Variants in POT1 observed in about 807,000 individuals in gnomAD.
The protein encoded by POT1 is protection of telomeres protein 1.
Under a neutral mutation model 78.5 loss-of-function variants are expected in POT1, and 47 were observed. The ratio of observed to expected loss-of-function variants is 0.60; its 90% CI spans 0.47 to 0.76. POT1 has a LOEUF of 0.76. Ranked by LOEUF, POT1 falls within the 30% of genes least tolerant of loss-of-function variation. The probability of loss-of-function intolerance (pLI) is 0.00; values close to 1 mark genes in which losing one functional copy is unlikely to be tolerated. For synonymous variants in POT1, 259 were observed against 260.7 expected (o/e 0.99, Z 0.06); for missense variants, 646 against 749.9 (o/e 0.86, Z 1.62).
intron 13 of POT1, among the ~76,000 whole-genome samples, chr7:124,841,794 C>T (rs1006966280): frequency 1.3e-5 from 2 of 151,688 alleles, no homozygotes; most frequent in African/African-American, 2.4e-5. Flanking sequence ...AAAAAATGAT[C>T]GCGGAGAGTG....
chr7:124,853,565 A>T (rs1380400149), intron 9 of POT1: 1 of 152,454 alleles, frequency 6.6e-6, no homozygotes, highest in African/African-American at 2.4e-5. Context: ...ATTAAATATG[A>T]TCCTGAAGAT....
chr7:124,909,896 AT>A (rs1375731352), intron 3 of POT1, among the ~76,000 whole-genome samples: 1 of 151,948 alleles, frequency 6.6e-6, no homozygotes, highest in Non-Finnish European at 1.5e-5. Flanking sequence ...TATATTTAAA[AT>A]ATAAACAAAT....
intron 9 of POT1, among the ~76,000 whole-genome samples, chr7:124,858,417 A>C (rs956455628): frequency 1.3e-5 from 2 of 152,128 alleles, no homozygotes; most frequent in Admixed American, 1.3e-4. Flanking sequence ...CCATATCTAA[A>C]CTGTGCACCT....
chr7:124,919,912 G>C (rs1386099972), intron 2 of POT1, among the ~76,000 whole-genome samples: 1 of 148,094 alleles, frequency 6.8e-6, no homozygotes, highest in Non-Finnish European at 1.5e-5. Context: ...ATGGGACTTG[G>C]GGAGGAAAGA....
chr7:124,897,341 T>C (rs913778481), intron 4 of POT1, 129 bp from the exon 5 acceptor site: 40 of 367,054 alleles, frequency 1.1e-4, no homozygotes, highest in Middle Eastern at 4.1e-4. Flanking sequence ...CATAAAGTTA[T>C]GGCTTACAAA....
intron 2 of POT1, among the ~76,000 whole-genome samples, chr7:124,928,540 C>T (rs1797331026): frequency 6.6e-6 from 1 of 152,212 alleles, no homozygotes; most frequent in Admixed American, 6.5e-5. Context: ...GGTGATTGAT[C>T]TGTCAGACCC....
At chr7:124,837,958 C>T (rs1381667392) in intron 14 of POT1, among the ~76,000 whole-genome samples, 1 of 151,988 alleles carries the variant, frequency 6.6e-6, no homozygotes, top group African/African-American at 2.4e-5. Context: ...ATTGTATGAT[C>T]ATATTAATAG....
chr7:124,928,428 TA>T (rs879880651), intron 2 of POT1, among the ~76,000 whole-genome samples: 1 of 152,208 alleles, frequency 6.6e-6, no homozygotes, highest in Non-Finnish European at 1.5e-5. Context: ...TGTTATCCCG[TA>T]AGTTCCAGCT....
At chr7:124,878,205 G>A (rs1270021510) in intron 6 of POT1, among the ~76,000 whole-genome samples, 1 of 151,972 alleles carries the variant, frequency 6.6e-6, no homozygotes, top group Non-Finnish European at 1.5e-5. Flanking sequence ...GGTGGTGCGT[G>A]CCTGTAATCC....
intron 6 of POT1, among the ~76,000 whole-genome samples, chr7:124,891,041 A>G (rs1796358233): frequency 6.6e-6 from 1 of 151,692 alleles, no homozygotes; most frequent in African/African-American, 2.4e-5. Context: ...CATTTGGTCT[A>G]CAGTGTTGTT....
chr7:124,888,813 A>G (rs1490079978), intron 6 of POT1, among the ~76,000 whole-genome samples: 1 of 151,968 alleles, frequency 6.6e-6, no homozygotes, highest in East Asian at 1.9e-4. Context: ...GTTTTGGGGT[A>G]GCACAAATCA....
chr7:124,918,975 T>A (rs1031642816), intron 2 of POT1, among the ~76,000 whole-genome samples: 1 of 152,070 alleles, frequency 6.6e-6, no homozygotes, highest in Non-Finnish European at 1.5e-5. Context: ...ATAATATAAT[T>A]ATGTGGTGCT....
chr7:124,879,575 A>G (rs1796070571), intron 6 of POT1, among the ~76,000 whole-genome samples: 1 of 152,160 alleles, frequency 6.6e-6, no homozygotes, highest in African/African-American at 2.4e-5. Context: ...ATGGCAAACG[A>G]CATGCTGACT....
rs1017615171 is a variant in POT1 at position 124,846,467 on chromosome 7, G to A, written c.1006+475C>T. 1.8e-4 allele frequency among the ~76,000 whole-genome samples: 27 copies of A among 152,016 alleles called. 1 individual carries two copies. Among genetic ancestry groups the A allele is most frequent in the African/African-American group, 4.6e-4 (19 of 41,494 alleles). On this transcript the variant is annotated intron_variant, in intron 12 of 18. Transcript: ENST00000357628. ...TTTAATCTTAGCTGATGTAGCAGAA[G>A]GAGGGTACTTGATAGACACACTATC...
At chr7:124,835,251 C>CAAAACA (rs745695095) in intron 15 of POT1, 28 bp downstream of exon 15, 1 of 1,604,892 alleles carries the variant, frequency 6.2e-7, no homozygotes, top group Non-Finnish European at 8.5e-7. Context: ...ATAAACAAAA[C>CAAAACA]AAAACAAAAC....
chr7:124,883,968 G>A (rs889483652), intron 6 of POT1, among the ~76,000 whole-genome samples: 1 of 151,684 alleles, frequency 6.6e-6, no homozygotes, highest in Admixed American at 6.6e-5. Flanking sequence ...ATATCAATAT[G>A]TGTATCAATA....
At chr7:124,869,735 C>A (rs989751336) in intron 7 of POT1, among the ~76,000 whole-genome samples, 1 of 152,078 alleles carries the variant, frequency 6.6e-6, no homozygotes, top group Admixed American at 6.6e-5. Flanking sequence ...AGCATTACCA[C>A]CACGCCCGGC....
intron 5 of POT1, among the ~76,000 whole-genome samples, chr7:124,896,480 CTG>C (rs1443173914): frequency 6.6e-6 from 1 of 151,736 alleles, no homozygotes; most frequent in African/African-American, 2.4e-5. Context: ...AATTTAGTAA[CTG>C]TGTCCTACAG....
rs140381813 is a variant in POT1 at position 124,916,836 on chromosome 7, C to T, written c.-226-1190G>A. On this transcript the variant is annotated intron_variant, in intron 2 of 18. Transcript: ENST00000357628. Reference sequence around the variant, plus strand: ...TCATTCATTTACATGCGCTTCTCTACAGACCTGACAAGGTTCAGGACAGAA... The same window carrying T: ...TCATTCATTTACATGCGCTTCTCTATAGACCTGACAAGGTTCAGGACAGAA... Among the ~76,000 whole-genome samples, 376 of 152,276 alleles carry T rather than the reference C, an allele frequency of 2.5e-3. 1 individual carries two copies. The highest frequency in any genetic ancestry group is 8.8e-3 in the African/African-American group (367 of 41,564).
Sources: allele counts gnomAD v4.1 joint callset (sites outside exome capture counted in the v4.1 genomes callset), GRCh38; gene constraint gnomAD v4.1.1; transcripts MANE v1.5; gene names NCBI Gene and HGNC (gene_info 2026-07-23, HGNC 2026-07-21).